The following MEMO1 variants were observed in gnomAD, a reference collection of about 807,000 sequenced individuals.
MEMO1 encodes protein MEMO1.
Under a neutral mutation model 45.2 loss-of-function variants are expected in MEMO1, and 6 were observed. The ratio of observed to expected loss-of-function variants is 0.13; its 90% CI spans 0.07 to 0.26. The LOEUF (loss-of-function observed/expected upper bound fraction) is 0.26, where lower values mean the gene tolerates loss of function less well. Among genes scored for constraint, MEMO1 ranks in the 10% least tolerant of loss-of-function variants. The pLI is 1.00. For missense variants in MEMO1, 184 were observed against 370.5 expected (o/e 0.50, Z 4.13); for synonymous variants, 78 against 124.3 (o/e 0.63, Z 2.48).
intron 6 of MEMO1, among the ~76,000 whole-genome samples, chr2:31,913,838 C>T (rs74807372): frequency 2.0e-5 from 3 of 152,240 alleles, no homozygotes; most frequent in Non-Finnish European, 4.4e-5. Flanking sequence ...TTCTTCCCAC[C>T]TCTCAATGCT....
intron 6 of MEMO1, among the ~76,000 whole-genome samples, chr2:31,916,325 C>T (rs1225859121): frequency 1.3e-5 from 2 of 152,016 alleles, no homozygotes; most frequent in African/African-American, 2.4e-5. Context: ...ACCACCCAGG[C>T]TCAAGCAATC....
At chr2:31,906,007 A>G (rs1334938149) in intron 6 of MEMO1, among the ~76,000 whole-genome samples, 1 of 149,928 alleles carries the variant, frequency 6.7e-6, no homozygotes, top group Non-Finnish European at 1.5e-5. Context: ...TCTCACTCAC[A>G]CTGTCGCCTG....
intron 6 of MEMO1, among the ~76,000 whole-genome samples, chr2:31,908,173 T>C (rs1015884877): frequency 1.3e-5 from 2 of 152,232 alleles, no homozygotes; most frequent in African/African-American, 4.8e-5. Context: ...GATTTGTAAA[T>C]GTCTACCTTT....
chr2:31,931,162 A>G (rs956860199), intron 4 of MEMO1, among the ~76,000 whole-genome samples: 4 of 152,310 alleles, frequency 2.6e-5, no homozygotes, highest in Admixed American at 2.6e-4. Context: ...TTTTCAATGA[A>G]TTATAATACA....
chr2:31,972,045 T>A (rs1430862310), intron 2 of MEMO1, among the ~76,000 whole-genome samples: 1 of 152,182 alleles, frequency 6.6e-6, no homozygotes, highest in Non-Finnish European at 1.5e-5. Flanking sequence ...TAAAATTATA[T>A]CAAGCGCCTT....
At chr2:31,970,425 C>T (rs145271272) in intron 2 of MEMO1, among the ~76,000 whole-genome samples, 1 of 152,232 alleles carries the variant, frequency 6.6e-6, no homozygotes, top group East Asian at 1.9e-4. Flanking sequence ...ATCTCAGCCT[C>T]GTTTTTATTT....
chr2:31,964,251 C>G (rs1393166197), intron 2 of MEMO1, among the ~76,000 whole-genome samples: 1 of 151,752 alleles, frequency 6.6e-6, no homozygotes, highest in Non-Finnish European at 1.5e-5. Flanking sequence ...TACACAAACA[C>G]ACACACAAAC....
At chr2:31,963,208 C>A (rs1668229410) in intron 2 of MEMO1, 1 of 1,547,748 alleles carries the variant, frequency 6.5e-7, no homozygotes, top group African/African-American at 1.4e-5. Flanking sequence ...GCTGACTGCA[C>A]ATCTTGGCAC....
intron 6 of MEMO1, among the ~76,000 whole-genome samples, chr2:31,905,240 A>C (rs1285714572): frequency 6.6e-6 from 1 of 152,176 alleles, no homozygotes; most frequent in African/African-American, 2.4e-5. Flanking sequence ...TCTCCAAAAA[A>C]GAAACAAAAA....
intron 2 of MEMO1, among the ~76,000 whole-genome samples, chr2:31,982,256 C>A (rs1313635163): frequency 7.4e-6 from 1 of 135,494 alleles, no homozygotes; most frequent in Non-Finnish European, 1.5e-5. Flanking sequence ...AAGATCATGC[C>A]ACTGCACTGC....
intron 2 of MEMO1, among the ~76,000 whole-genome samples, chr2:31,988,354 C>G (rs1323131581): frequency 6.6e-6 from 1 of 151,968 alleles, no homozygotes; most frequent in African/African-American, 2.4e-5. Context: ...TGAGACCACC[C>G]TCGCCAACAT....
chr2:31,990,444 G>T (rs189611032), intron 2 of MEMO1, among the ~76,000 whole-genome samples: 7 of 151,876 alleles, frequency 4.6e-5, no homozygotes, highest in African/African-American at 1.7e-4. Context: ...TTGGTGTCTG[G>T]GGTGTTTTTG....
intron 2 of MEMO1, among the ~76,000 whole-genome samples, chr2:31,954,930 AG>A (rs1209968147): frequency 1.3e-5 from 2 of 151,960 alleles, no homozygotes; most frequent in Non-Finnish European, 2.9e-5. Flanking sequence ...CAACCTCTGC[AG>A]GAAACTCCAT....
rs869278482 is a variant in MEMO1 at position 31,957,874 on chromosome 2, TG to T, written c.62-14492del. ...TATAATGGGATACAATTTTTGGTTT[TG>T]GGTATTTGTTGTGGCATGTTGAGGT... On this transcript the variant is annotated intron_variant, in intron 2 of 9. Transcript: ENST00000404530. 5.9e-5 allele frequency among the ~76,000 whole-genome samples: 9 copies of T among 152,362 alleles called. No individual in the cohort carries two copies. The East Asian group carries it at 1.7e-3, about 29-fold the overall frequency.
intron 6 of MEMO1, among the ~76,000 whole-genome samples, chr2:31,895,940 T>C (rs1572600346): frequency 7.3e-6 from 1 of 136,868 alleles, no homozygotes; most frequent in East Asian, 2.3e-4. Flanking sequence ...CCCCCCGGGG[T>C]TCACACCACT....
intron 2 of MEMO1, among the ~76,000 whole-genome samples, chr2:32,006,392 T>A (rs926331515): frequency 6.6e-6 from 1 of 152,196 alleles, no homozygotes; most frequent in African/African-American, 2.4e-5. Flanking sequence ...TTAGATTATG[T>A]TGCTGGTCCA....
At chr2:31,929,017 T>G (rs1195276264) in intron 4 of MEMO1, among the ~76,000 whole-genome samples, 6 of 152,172 alleles carry the variant, frequency 3.9e-5, no homozygotes, top group Non-Finnish European at 2.9e-5. Flanking sequence ...ATCAAATTGC[T>G]TTCCTAAAGT....
intron 6 of MEMO1, among the ~76,000 whole-genome samples, chr2:31,893,577 A>G (rs957707375): frequency 6.6e-6 from 1 of 152,228 alleles, no homozygotes; most frequent in Non-Finnish European, 1.5e-5. Flanking sequence ...CAGAGTATAA[A>G]GAACAAGGAG....
chr2:31,873,125 G>A (rs1207619113), intron 8 of MEMO1, among the ~76,000 whole-genome samples: 1 of 152,124 alleles, frequency 6.6e-6, no homozygotes, highest in African/African-American at 2.4e-5. Flanking sequence ...TTTCTTAAAA[G>A]AGTAGAAGAT....
Sources: gnomAD v4.1 joint callset for allele counts (sites outside exome capture counted in the v4.1 genomes callset) on GRCh38, gnomAD v4.1.1 for gene constraint, MANE v1.5 for transcripts, NCBI Gene and HGNC (gene_info 2026-07-23, HGNC 2026-07-21) for gene names.